The following ZBTB20 variants were observed in gnomAD, a reference collection of about 807,000 sequenced individuals.
The protein encoded by ZBTB20 is zinc finger and BTB domain-containing protein 20.
ZBTB20 carries 9 observed loss-of-function variants against 56.9 expected under a neutral mutation model. The ratio of observed to expected loss-of-function variants is 0.16; its 90% confidence interval spans 0.10 to 0.28. The LOEUF is 0.28. Ranked by LOEUF, ZBTB20 falls within the 10% of genes least tolerant of loss-of-function variation. The pLI, the probability that ZBTB20 is intolerant of heterozygous loss-of-function variation, is 1.00. For synonymous variants in ZBTB20, 417 were observed against 420.7 expected, an observed-to-expected ratio of 0.99 and a Z score of 0.11; for missense variants, 655 against 1,003.0, an observed-to-expected ratio of 0.65 and a Z score of 4.69.
chr3:114,510,527 C>G (rs1283782183), intron 6 of ZBTB20, among the ~76,000 whole-genome samples: 1 of 151,798 alleles, frequency 6.6e-6, no homozygotes, highest in Non-Finnish European at 1.5e-5. Context: ...CACACATCCA[C>G]TCAATGCTTT....
intron 6 of ZBTB20, among the ~76,000 whole-genome samples, chr3:114,629,432 T>C (rs930484677): frequency 6.6e-6 from 1 of 152,196 alleles, no homozygotes; most frequent in African/African-American, 2.4e-5. Context: ...ACAGCCTTTG[T>C]TGTTTGCTTC....
chr3:114,511,720 T>C (rs1365391287), intron 6 of ZBTB20, among the ~76,000 whole-genome samples: 1 of 152,072 alleles, frequency 6.6e-6, no homozygotes, highest in Non-Finnish European at 1.5e-5. Context: ...ACCTTATAGA[T>C]AAGTTCTATA....
intron 2 of ZBTB20, among the ~76,000 whole-genome samples, chr3:115,040,419 C>T (rs1419159879): frequency 1.3e-5 from 2 of 152,072 alleles, no homozygotes; most frequent in Non-Finnish European, 2.9e-5. Flanking sequence ...TCAAGGAAGA[C>T]TTCACTGAGG....
At chr3:114,738,882 A>G (rs1037268936) in intron 5 of ZBTB20, among the ~76,000 whole-genome samples, 1 of 152,240 alleles carries the variant, frequency 6.6e-6, no homozygotes, top group Non-Finnish European at 1.5e-5. Flanking sequence ...TTTATAGAAC[A>G]TTAAATAATC....
At chr3:114,511,552 T>TTTA (rs912742639) in intron 6 of ZBTB20, among the ~76,000 whole-genome samples, 2 of 152,162 alleles carry the variant, frequency 1.3e-5, no homozygotes, top group African/African-American at 4.8e-5. Context: ...TGTGAACTTT[T>TTTA]AACCTCTCTT....
At chr3:114,833,618 C>T (rs1027347889) in intron 4 of ZBTB20, among the ~76,000 whole-genome samples, 3 of 151,708 alleles carry the variant, frequency 2.0e-5, no homozygotes, top group African/African-American at 4.8e-5. Context: ...CAGTCTCTAC[C>T]TCCTGGACTC....
chr3:114,408,755 G>T lies in ZBTB20; in HGVS notation c.-254-19650C>A, dbSNP rs117224392. On this transcript the variant is annotated intron_variant, in intron 7 of 11. Coordinates refer to ENST00000675478, the MANE Select transcript of ZBTB20 (RefSeq NM_001348800.3). ...CAATTTTTTGCAGTTTAAAAACAAA[G>T]CACATTTATATACTTTTTCTTTTAA... Among the ~76,000 whole-genome samples the T allele has an allele frequency of 2.1e-5, 3 of 146,070 alleles. No individual in the cohort carries two copies. The East Asian group carries it at 6.0e-4, about 29-fold the overall frequency.
intron 5 of ZBTB20, among the ~76,000 whole-genome samples, chr3:114,728,111 A>G (rs1578562081): frequency 6.6e-6 from 1 of 152,344 alleles, no homozygotes; most frequent in African/African-American, 2.4e-5. Context: ...TTAAATAGAC[A>G]ACAACATGAG....
intron 5 of ZBTB20, among the ~76,000 whole-genome samples, chr3:114,764,797 T>C (rs1028681459): frequency 2.6e-5 from 4 of 152,166 alleles, no homozygotes; most frequent in African/African-American, 4.8e-5. Context: ...TATTCATTTA[T>C]AGGGTTATCT....
chr3:114,835,254 T>C (rs2074060380), intron 4 of ZBTB20, among the ~76,000 whole-genome samples: 1 of 152,172 alleles, frequency 6.6e-6, no homozygotes, highest in Non-Finnish European at 1.5e-5. Context: ...GCTTATAGCA[T>C]TGACTAGGGA....
rs2081408945 is a variant in ZBTB20, at chr3:114,357,834, A to T, written c.200-5956T>A. On this transcript the variant is annotated intron_variant, in intron 10 of 11. Coordinates refer to ENST00000675478, the MANE Select transcript of ZBTB20 (RefSeq NM_001348800.3). ...TTTTCCATTTACTTAAGTTGAGCTG[A>T]TACTATTTTGTATGAGAAAGCAAAC... 2.0e-5 allele frequency among the ~76,000 whole-genome samples: 3 copies of T among 152,356 alleles called. No homozygotes were observed. In the South Asian group the frequency reaches 6.2e-4, roughly 32 times the overall value.
chr3:115,042,941 T>C (rs72943844), intron 2 of ZBTB20, among the ~76,000 whole-genome samples: 3,123 of 152,308 alleles, frequency 0.021, 107 homozygotes, highest in African/African-American at 0.069. Flanking sequence ...AGTGTTGAGA[T>C]CCTAAATTAA....
intron 6 of ZBTB20, among the ~76,000 whole-genome samples, chr3:114,598,580 G>A (rs551927199): frequency 6.6e-6 from 1 of 152,040 alleles, no homozygotes; most frequent in South Asian, 2.1e-4. Flanking sequence ...TGTATTTGGG[G>A]AAAATAAGAT....
chr3:114,504,766 T>A (rs2044400847), intron 6 of ZBTB20, among the ~76,000 whole-genome samples: 1 of 152,206 alleles, frequency 6.6e-6, no homozygotes, highest in African/African-American at 2.4e-5. Context: ...TGGAAGAGTT[T>A]GAGAAGCATG....
intron 1 of ZBTB20, among the ~76,000 whole-genome samples, chr3:115,122,389 T>C (rs1300358278): frequency 1.3e-5 from 2 of 152,190 alleles, no homozygotes; most frequent in East Asian, 1.9e-4. Flanking sequence ...CTAATTCTCT[T>C]CTCTTATCTT....
intron 6 of ZBTB20, among the ~76,000 whole-genome samples, chr3:114,610,865 A>G (rs1027100921): frequency 2.0e-5 from 3 of 152,222 alleles, no homozygotes; most frequent in Admixed American, 6.5e-5. Flanking sequence ...ACTTGCCGTA[A>G]GAGAGGAACA....
intron 1 of ZBTB20, among the ~76,000 whole-genome samples, chr3:115,092,253 TTTG>T (rs199744568): frequency 0.013 from 1,958 of 152,198 alleles, 40 homozygotes; most frequent in African/African-American, 0.044. Context: ...GTCCTGTTTT[TTTG>T]TTGTTGTTTG....
chr3:115,051,584 C>T (rs1184748061), intron 2 of ZBTB20, among the ~76,000 whole-genome samples: 1 of 152,100 alleles, frequency 6.6e-6, no homozygotes, highest in African/African-American at 2.4e-5. Flanking sequence ...TACAGTAATA[C>T]CTTCAAAATA....
intron 3 of ZBTB20, among the ~76,000 whole-genome samples, chr3:114,950,676 T>C (rs2077035858): frequency 1.3e-5 from 2 of 152,126 alleles, no homozygotes; most frequent in African/African-American, 2.4e-5. Flanking sequence ...ATATATCCAA[T>C]AAGAATGCTT....
Sources: gnomAD v4.1 joint callset for allele counts (sites outside exome capture counted in the v4.1 genomes callset) on GRCh38, gnomAD v4.1.1 for gene constraint, MANE v1.5 for transcripts, NCBI Gene and HGNC (gene_info 2026-07-23, HGNC 2026-07-21) for gene names.